Variants in UGT2B7 observed in about 807,000 individuals in gnomAD.
The protein encoded by UGT2B7 is UDP glucuronosyltransferase family 2 member B7.
Under a neutral mutation model 51.9 loss-of-function variants are expected in UGT2B7, and 51 were observed. The observed-to-expected ratio is 0.98, with a 90% CI of 0.78 to 1.24. UGT2B7 has a LOEUF of 1.24. Among genes scored for constraint, UGT2B7 ranks in the 50% most tolerant of loss-of-function variants. The pLI is 0.00. For missense variants in UGT2B7, 727 were observed against 628.4 expected, an observed-to-expected ratio of 1.16 and a Z score of -1.68; for synonymous variants, 225 against 211.6, an observed-to-expected ratio of 1.06 and a Z score of -0.55.
At chr4:69,092,644 T>C (rs1719110158), upstream of UGT2B7, among the ~76,000 whole-genome samples, 1 of 152,112 alleles carries the variant, frequency 6.6e-6, no homozygotes, top group African/African-American at 2.4e-5. Context: ...TTCTTTACCT[T>C]TTGTATCCAG....
chr4:69,091,446 A>T (rs568074175), intron 2 of UGT2B7, among the ~76,000 whole-genome samples: 1 of 151,730 alleles, frequency 6.6e-6, no homozygotes, highest in Non-Finnish European at 1.5e-5. Context: ...GTTATATTTC[A>T]TGTATTTTTA....
chr4:69,093,115 G>T (rs535571201), upstream of UGT2B7, among the ~76,000 whole-genome samples: 20 of 152,106 alleles, frequency 1.3e-4, no homozygotes, highest in South Asian at 2.5e-3. Flanking sequence ...GTCCCAGGGA[G>T]TTTTCAAATC....
chr4:69,063,461 A>G (rs545143676), intron 1 of UGT2B7, among the ~76,000 whole-genome samples: 3 of 152,270 alleles, frequency 2.0e-5, no homozygotes, highest in African/African-American at 7.2e-5. Context: ...TGCAGGTGGT[A>G]CTTGAAATCA....
intron 1 of UGT2B7, among the ~76,000 whole-genome samples, chr4:69,075,950 C>T (rs1718694238): frequency 6.6e-6 from 1 of 151,870 alleles, no homozygotes; most frequent in Non-Finnish European, 1.5e-5. Context: ...CCATAACAGG[C>T]CCCACTGTGT....
rs150186260 is a variant in UGT2B7 at position 69,111,719 on chromosome 4, A to G, written c.1311-738A>G. ...TGTACCCTCAAAAACTTAAACAATT[A>G]AAAACAAATTAAAAATGCCTTATAT... is the stretch of plus-strand genomic sequence containing the variant. On this transcript the variant is annotated intron_variant, in intron 5 of 5. Coordinates refer to ENST00000305231, the MANE Select transcript of UGT2B7 (RefSeq NM_001074.4). Among the ~76,000 whole-genome samples, 46 of 152,324 alleles carry G rather than the reference A, an allele frequency of 3.0e-4. No individual in the cohort carries two copies. The East Asian group carries it at 8.1e-3, about 27-fold the overall frequency.
intron 3 of UGT2B7, 85 bp from the exon 4 acceptor site, chr4:69,107,090 C>A: frequency 7.2e-7 from 1 of 1,398,096 alleles, no homozygotes. Context: ...ATCCCTTGAT[C>A]TCATTCCTAC....
intron 3 of UGT2B7, 145 bp from the exon 4 acceptor site, chr4:69,107,030 A>C: frequency 1.2e-6 from 1 of 861,862 alleles, no homozygotes; most frequent in Non-Finnish European, 1.6e-6. Flanking sequence ...GAGAAAATTA[A>C]TGTGAGTATT....
At chr4:69,061,003 G>C (rs1179891327) in intron 1 of UGT2B7, among the ~76,000 whole-genome samples, 1 of 152,164 alleles carries the variant, frequency 6.6e-6, no homozygotes, top group African/African-American at 2.4e-5. Context: ...GCCCCTCGGA[G>C]ACCTGGACAT....
At chr4:69,072,772 G>T (rs1197244068) in intron 1 of UGT2B7, among the ~76,000 whole-genome samples, 1 of 152,006 alleles carries the variant, frequency 6.6e-6, no homozygotes, top group Non-Finnish European at 1.5e-5. Flanking sequence ...TGGCAAAGGA[G>T]GAATATTTAC....
Position 69,097,212 on chromosome 4 carries a change from A to G in UGT2B7, c.692A>G (p.Lys231Arg). ...DFWFEIFDMK[K>R]WDQFYSEVLG... is the part of the protein sequence containing the mutation. ...TGGTTCGAAATATTTGACATGAAGA[A>G]GTGGGATCAGTTTTATAGTGAAGTT... Residue 231 changes from lysine (K) to arginine (R), a missense_variant, in exon 1 of 6, where the codon AAG (lysine) becomes AGG (arginine). Transcript: ENST00000305231. The G allele has an allele frequency of 1.2e-6, 2 of 1,612,492 alleles. No homozygotes were observed. Among genetic ancestry groups the G allele is most frequent in the Non-Finnish European group, 1.7e-6 (2 of 1,179,224 alleles).
At chr4:69,088,931 G>A (rs1719023206) in intron 1 of UGT2B7, among the ~76,000 whole-genome samples, 1 of 152,110 alleles carries the variant, frequency 6.6e-6, no homozygotes, top group African/African-American at 2.4e-5. Context: ...TGTCACAGTG[G>A]TGTCTTCTTG....
intron 1 of UGT2B7, among the ~76,000 whole-genome samples, chr4:69,056,256 G>A (rs1327447729): frequency 6.6e-6 from 1 of 152,180 alleles, no homozygotes; most frequent in Non-Finnish European, 1.5e-5. Context: ...TTGGGCACAA[G>A]ATGGCTCATG....
chr4:69,070,163 T>A (rs1037093647), intron 1 of UGT2B7, among the ~76,000 whole-genome samples: 12 of 150,088 alleles, frequency 8.0e-5, no homozygotes, highest in Non-Finnish European at 3.0e-5. Context: ...TCTGTTTACT[T>A]GAGAAAGGCA....
intron 5 of UGT2B7, among the ~76,000 whole-genome samples, chr4:69,109,447 C>A (rs1719711294): frequency 6.6e-6 from 1 of 152,070 alleles, no homozygotes. Flanking sequence ...GTAAAATGAT[C>A]TCTCATCCTG....
chr4:69,053,833 C>A (rs1718108032), intron 1 of UGT2B7, among the ~76,000 whole-genome samples: 1 of 152,164 alleles, frequency 6.6e-6, no homozygotes, highest in South Asian at 2.1e-4. Flanking sequence ...ACTAGGTACT[C>A]TGCTGAATAA....
chr4:69,060,074 A>G (rs1184247696), intron 1 of UGT2B7, among the ~76,000 whole-genome samples: 1 of 152,202 alleles, frequency 6.6e-6, no homozygotes, highest in Non-Finnish European at 1.5e-5. Context: ...CAGACCTTAA[A>G]GCATACACCC....
chr4:69,091,858 T>C (rs1042034585), upstream of UGT2B7, among the ~76,000 whole-genome samples: 1 of 152,200 alleles, frequency 6.6e-6, no homozygotes, highest in African/African-American at 2.4e-5. Context: ...GCCTTCTTCA[T>C]TGAACTTCAA....
In UGT2B7 at chr4:69,112,769, T is replaced by C. The variant is rs1388365489; in HGVS notation, c.*33T>C. ...TGAGATTTGAAGCTGGAAAACCTGA[T>C]AGGTGAGACTACTTCAGTTTATTCC... On this transcript the variant is annotated 3_prime_UTR_variant, in exon 6 of 6. Transcript: ENST00000305231. 14 of 1,608,756 alleles carry C rather than the reference T, an allele frequency of 8.7e-6. No homozygotes were observed. Among genetic ancestry groups the C allele is most frequent in the African/African-American group, 5.4e-5 (4 of 74,056 alleles).
upstream of UGT2B7, among the ~76,000 whole-genome samples, chr4:69,092,363 G>A (rs992883290): frequency 2.0e-5 from 3 of 152,136 alleles, no homozygotes; most frequent in Non-Finnish European, 4.4e-5. Context: ...CTACAGTCAG[G>A]CACTCATGAA....
Sources: allele counts gnomAD v4.1 joint callset (sites outside exome capture counted in the v4.1 genomes callset), GRCh38; gene constraint gnomAD v4.1.1; transcripts MANE v1.5; gene names NCBI Gene and HGNC (gene_info 2026-07-23, HGNC 2026-07-21).